The following ZNF804B variants were observed in gnomAD, a reference collection of about 807,000 sequenced individuals.
ZNF804B encodes the protein zinc finger protein 804B.
ZNF804B carries 80 observed loss-of-function variants against 101.4 expected under a neutral mutation model. The ratio of observed to expected loss-of-function variants is 0.79; its 90% CI spans 0.66 to 0.95. The LOEUF is 0.95. Among genes scored for constraint, ZNF804B ranks in the 40% least tolerant of loss-of-function variants. The probability of loss-of-function intolerance (pLI) is 0.00; values close to 1 mark genes in which losing one functional copy is unlikely to be tolerated. For missense variants in ZNF804B, 1,673 were observed against 1,561.9 expected (o/e 1.07, Z -1.20); for synonymous variants, 622 against 558.8 (o/e 1.11, Z -1.59).
At chr7:88,880,028 A>G (rs192364611) in intron 1 of ZNF804B, among the ~76,000 whole-genome samples, 4 of 149,482 alleles carry the variant, frequency 2.7e-5, no homozygotes, top group Non-Finnish European at 5.9e-5. Flanking sequence ...CCTGGGCTAC[A>G]CAGCGAGACT....
At chr7:89,016,345 G>A (rs1350165083) in intron 1 of ZNF804B, among the ~76,000 whole-genome samples, 2 of 151,494 alleles carry the variant, frequency 1.3e-5, no homozygotes, top group Non-Finnish European at 3.0e-5. Context: ...AGTTTAATTA[G>A]ATCCCATTTG....
intron 1 of ZNF804B, among the ~76,000 whole-genome samples, chr7:89,035,927 T>TCAA (rs1236994689): frequency 2.1e-5 from 3 of 144,818 alleles, no homozygotes; most frequent in South Asian, 4.2e-4. Flanking sequence ...ATATAATATA[T>TCAA]TAATATATTA....
chr7:88,894,171 T>A (rs1792251690), intron 1 of ZNF804B, among the ~76,000 whole-genome samples: 1 of 152,120 alleles, frequency 6.6e-6, no homozygotes, highest in Non-Finnish European at 1.5e-5. Flanking sequence ...ACAGTGAATT[T>A]CTCAGTTGTG....
chr7:89,081,670 T>A (rs541710390), intron 1 of ZNF804B, among the ~76,000 whole-genome samples: 1 of 151,868 alleles, frequency 6.6e-6, no homozygotes, highest in East Asian at 1.9e-4. Context: ...AACATAGACA[T>A]CTTTGGAAAA....
intron 2 of ZNF804B, among the ~76,000 whole-genome samples, chr7:89,235,083 T>G (rs543692655): frequency 1.3e-5 from 2 of 152,276 alleles, no homozygotes; most frequent in East Asian, 3.8e-4. Context: ...TTTATTTTTA[T>G]TTTTAATCTG....
At chr7:89,045,398 G>A (rs912561034) in intron 1 of ZNF804B, among the ~76,000 whole-genome samples, 2 of 152,206 alleles carry the variant, frequency 1.3e-5, no homozygotes, top group African/African-American at 4.8e-5. Context: ...TGTTAGAAAA[G>A]GACCACCATT....
intron 1 of ZNF804B, among the ~76,000 whole-genome samples, chr7:88,842,844 T>A (rs973522890): frequency 6.6e-6 from 1 of 152,202 alleles, no homozygotes; most frequent in Non-Finnish European, 1.5e-5. Context: ...ATAACTTTTT[T>A]AAGATTCATT....
intron 2 of ZNF804B, among the ~76,000 whole-genome samples, chr7:89,293,798 G>T (rs1222565599): frequency 7.3e-6 from 1 of 136,380 alleles, no homozygotes; most frequent in South Asian, 2.3e-4. Context: ...CAAAAAAAAA[G>T]AAAAAAAAAA....
At chr7:89,231,649 T>C (rs576846339) in intron 2 of ZNF804B, among the ~76,000 whole-genome samples, 163 of 152,150 alleles carry the variant, frequency 1.1e-3, no homozygotes, top group Non-Finnish European at 1.7e-3. Flanking sequence ...ATTTTACACA[T>C]TTTTTCTTGT....
chr7:89,157,624 G>A lies in ZNF804B; in HGVS notation c.109-60531G>A, dbSNP rs568063003. Among the ~76,000 whole-genome samples the A allele has an allele frequency of 3.9e-5, 6 of 152,260 alleles. No individual in the cohort carries two copies. The East Asian group carries it at 9.6e-4, about 24-fold the overall frequency. On this transcript the variant is annotated intron_variant, in intron 1 of 3. Coordinates refer to ENST00000333190, the MANE Select transcript of ZNF804B (RefSeq NM_181646.5). ...ATCTTGAGCAGTCATCTTTCTCTGA[G>A]TTTTGAAAAGCCAGTCCAAAAGTGA... is the stretch of plus-strand genomic sequence containing the variant.
At chr7:88,789,421 A>G (rs776167069) in intron 1 of ZNF804B, among the ~76,000 whole-genome samples, 6 of 152,238 alleles carry the variant, frequency 3.9e-5, no homozygotes, top group East Asian at 1.9e-4. Flanking sequence ...TTTTATTGTT[A>G]CTGTTGTTAC....
chr7:89,188,082 T>C (rs531024456), intron 1 of ZNF804B, among the ~76,000 whole-genome samples: 2 of 152,222 alleles, frequency 1.3e-5, no homozygotes, highest in South Asian at 4.1e-4. Flanking sequence ...TTTTTACAAA[T>C]TGACAAATTG....
At chr7:88,794,035 C>T in intron 1 of ZNF804B, 1 of 569,644 alleles carries the variant, frequency 1.8e-6, no homozygotes, top group Non-Finnish European at 2.8e-6. Context: ...TTTAGCTCAA[C>T]ATACTCTATA....
chr7:89,171,317 T>TTCCTCTTCCTCTTCC (rs1791225334), intron 1 of ZNF804B, among the ~76,000 whole-genome samples: 2 of 108,560 alleles, frequency 1.8e-5, no homozygotes, highest in African/African-American at 3.3e-5. Flanking sequence ...CTTCTTCTTC[T>TTCCTCTTCCTCTTCC]TCTTCTTCTT....
intron 1 of ZNF804B, among the ~76,000 whole-genome samples, chr7:89,020,390 G>A (rs149117956): frequency 2.6e-3 from 394 of 151,940 alleles, no homozygotes; most frequent in Middle Eastern, 0.01. Flanking sequence ...ATATTATTCC[G>A]TTCTCACCTG....
chr7:89,194,803 T>G (rs1035843250), intron 1 of ZNF804B, among the ~76,000 whole-genome samples: 9 of 151,348 alleles, frequency 5.9e-5, no homozygotes, highest in South Asian at 2.1e-4. Flanking sequence ...CGGGCTCTTT[T>G]TTGCTTCCAT....
At chr7:89,103,097 T>G (rs56246337) in intron 1 of ZNF804B, among the ~76,000 whole-genome samples, 2 of 139,748 alleles carry the variant, frequency 1.4e-5, no homozygotes, top group African/African-American at 5.4e-5. Flanking sequence ...AATACTGTGG[T>G]GTTTGGTTAT....
In ZNF804B at chr7:89,165,280, T is replaced by C. The variant is rs551366007; in HGVS notation, c.109-52875T>C. On this transcript the variant is annotated intron_variant, in intron 1 of 3. Transcript: ENST00000333190. ...TATCTCTGAATTTCAAGTGTTCTGCTGATGAGACATGAACTATACAGATGG... is the reference window on the plus strand; with the variant it reads ...TATCTCTGAATTTCAAGTGTTCTGCCGATGAGACATGAACTATACAGATGG... Among the ~76,000 whole-genome samples the C allele has an allele frequency of 3.9e-5, 6 of 152,212 alleles. No homozygotes were observed. The South Asian group carries it at 1.0e-3, about 26-fold the overall frequency.
chr7:89,332,060 ATATT>A (rs2115993570), intron 3 of ZNF804B, among the ~76,000 whole-genome samples: 1 of 151,432 alleles, frequency 6.6e-6, no homozygotes, highest in African/African-American at 2.4e-5. Context: ...TGAATTATAT[ATATT>A]TATATTTTTA....
Sources: allele counts gnomAD v4.1 joint callset (sites outside exome capture counted in the v4.1 genomes callset), GRCh38; gene constraint gnomAD v4.1.1; transcripts MANE v1.5; gene names NCBI Gene and HGNC (gene_info 2026-07-23, HGNC 2026-07-21).